Variants in SANBR observed in about 807,000 individuals in gnomAD.
The protein encoded by SANBR is SANT and BTB domain regulator of class switch recombination.
A neutral mutation model predicts 101.8 loss-of-function variants in SANBR; 77 were observed. The observed-to-expected ratio is 0.76, with a 90% CI of 0.63 to 0.91. The LOEUF is 0.91. Ranked by LOEUF, SANBR falls within the 40% of genes least tolerant of loss-of-function variation. SANBR has a pLI of 0.00. For synonymous variants in SANBR, 279 were observed against 274.7 expected (o/e 1.02, Z -0.15); for missense variants, 875 against 853.0 (o/e 1.03, Z -0.32).
chr2:61,086,687 T>C (rs1468431570), intron 8 of SANBR, among the ~76,000 whole-genome samples: 1 of 152,208 alleles, frequency 6.6e-6, no homozygotes, highest in African/African-American at 2.4e-5. Flanking sequence ...TTACTTTGCA[T>C]GACTGCTGAA....
rs747686016 is a variant in SANBR at position 61,071,784 on chromosome 2, C to T, written c.329C>T (p.Ser110Phe). The stretch of plus-strand genomic sequence containing the variant: ...ACTCCAGTTGGACATGATGCAGTTT[C>T]CAAAACTGGTAAGGTTTTAAACTAA... ...QETPVGHDAV[S>F]KTGRHSIAST... is the part of the protein sequence containing the mutation. Residue 110 changes from serine to phenylalanine, a missense_variant, in exon 4 of 22, where the codon TCC becomes TTC. Coordinates refer to ENST00000402291, the MANE Select transcript of SANBR (RefSeq NM_001129993.3). 2.5e-6 allele frequency: 4 copies of T among 1,592,860 alleles called. No individual in the cohort carries two copies. The Admixed American group carries it at 7.3e-5, about 29-fold the overall frequency.
At chr2:61,070,890 C>T (rs1417031993) in intron 3 of SANBR, among the ~76,000 whole-genome samples, 1 of 151,640 alleles carries the variant, frequency 6.6e-6, no homozygotes, top group Non-Finnish European at 1.5e-5. Flanking sequence ...CTTCCCACCT[C>T]AGCATCTCAC....
chr2:61,107,636 G>A (rs1683636672), intron 14 of SANBR, among the ~76,000 whole-genome samples: 1 of 152,138 alleles, frequency 6.6e-6, no homozygotes, highest in African/African-American at 2.4e-5. Flanking sequence ...GGGCATGGTG[G>A]TTCATGCTTG....
chr2:61,117,321 T>C, intron 17 of SANBR, 36 bp from the exon 18 acceptor site: 3 of 1,597,668 alleles, frequency 1.9e-6, no homozygotes, highest in Non-Finnish European at 2.6e-6. Context: ...GTAAACATGT[T>C]CTAATTGGGC....
chr2:61,108,363 T>TA lies in SANBR; in HGVS notation c.1644+15dup. On this transcript the variant is annotated intron_variant, in intron 15 of 21. Coordinates refer to ENST00000402291, the MANE Select transcript of SANBR (RefSeq NM_001129993.3). ...ACTCTACAACTGGTAAGTGAGCAATTACAGTTAGCATTCATGGATCTCTTT... is the reference window on the plus strand; with the variant it reads ...ACTCTACAACTGGTAAGTGAGCAATTAACAGTTAGCATTCATGGATCTCTTT... 2 of 1,526,910 alleles carry TA rather than the reference T, an allele frequency of 1.3e-6. No homozygotes were observed. 94.6% of individuals were successfully genotyped at this position (1,526,910 alleles called of 1,614,324 possible).
chr2:61,087,695 C>G (rs756668175), intron 8 of SANBR, among the ~76,000 whole-genome samples: 1 of 151,764 alleles, frequency 6.6e-6, no homozygotes, highest in African/African-American at 2.4e-5. Flanking sequence ...ACTAAAAATA[C>G]AAAAAATTTG....
At chr2:61,082,241 G>A (rs1374981568) in intron 7 of SANBR, among the ~76,000 whole-genome samples, 1 of 152,148 alleles carries the variant, frequency 6.6e-6, no homozygotes, top group African/African-American at 2.4e-5. Context: ...CAGAAAAAAA[G>A]CAGAGACTAA....
In SANBR at chr2:61,085,601, C is replaced by T. The variant is rs184564934; in HGVS notation, c.890+2287C>T. On this transcript the variant is annotated intron_variant, in intron 8 of 21. Transcript: ENST00000402291. ...TCTCGACTCTCTGCAACCGCCGCCTCCCAGGTTCAAGCAATTCTCCTGCCT... is the reference window on the plus strand; with the variant it reads ...TCTCGACTCTCTGCAACCGCCGCCTTCCAGGTTCAAGCAATTCTCCTGCCT... Among the ~76,000 whole-genome samples the T allele has an allele frequency of 2.0e-5, 3 of 152,096 alleles. No individual in the cohort carries two copies. The East Asian group carries it at 5.8e-4, about 29-fold the overall frequency.
At chr2:61,132,441 G>A (rs769174460) in intron 20 of SANBR, among the ~76,000 whole-genome samples, 22 of 152,148 alleles carry the variant, frequency 1.4e-4, no homozygotes, top group Non-Finnish European at 3.1e-4. Flanking sequence ...GGCCATCAGG[G>A]AAATGCAAAT....
intron 14 of SANBR, among the ~76,000 whole-genome samples, chr2:61,107,161 C>T (rs1683612225): frequency 6.7e-6 from 1 of 149,592 alleles, no homozygotes; most frequent in South Asian, 2.1e-4. Context: ...GAGGGAGACT[C>T]TGTCTCAAAA....
At chr2:61,121,302 G>A in intron 21 of SANBR, 26 bp downstream of exon 21, 2 of 1,504,434 alleles carry the variant, frequency 1.3e-6, no homozygotes, top group East Asian at 2.5e-5. Context: ...CTAAACCAGA[G>A]TGTCAGTGGC....
chr2:61,071,528 C>T (rs532490286), intron 3 of SANBR, 78 bp from the exon 4 acceptor site: 83 of 934,454 alleles, frequency 8.9e-5, no homozygotes, highest in Admixed American at 2.3e-4. Context: ...CCAGCCTGGG[C>T]GACAATGTGA....
intron 10 of SANBR, among the ~76,000 whole-genome samples, chr2:61,091,037 C>T (rs1349320064): frequency 4.0e-5 from 6 of 151,826 alleles, no homozygotes; most frequent in Non-Finnish European, 7.4e-5. Context: ...GACTCAGCCT[C>T]CCGAGTAAGC....
chr2:61,107,189 C>T (rs1448112782), intron 14 of SANBR, among the ~76,000 whole-genome samples: 1 of 151,392 alleles, frequency 6.6e-6, no homozygotes, highest in East Asian at 1.9e-4. Context: ...AAGAAAAACC[C>T]AAAACATAAC....
intron 17 of SANBR, among the ~76,000 whole-genome samples, chr2:61,116,475 A>T (rs1226950625): frequency 1.3e-5 from 2 of 152,172 alleles, no homozygotes; most frequent in Non-Finnish European, 2.9e-5. Context: ...AATATTATTT[A>T]TTCAAAAAAT....
rs1029238028 is a variant in SANBR, at chr2:61,134,318, G to C, written c.*44+42G>C. Reference sequence around the variant, plus strand: ...GTTAGCTATTATTAGTAGACCACATGAAAGACTTTTAGAAATAACTGTATT... The same window carrying C: ...GTTAGCTATTATTAGTAGACCACATCAAAGACTTTTAGAAATAACTGTATT... On this transcript the variant is annotated intron_variant, in intron 21 of 21. Transcript: ENST00000295031. 9 of 1,511,088 alleles carry C rather than the reference G, an allele frequency of 6.0e-6. No individual in the cohort carries two copies. In the East Asian group the frequency reaches 2.2e-4, roughly 37 times the overall value. The allele number at this position is 1,511,088 out of a possible 1,614,324, so 93.6% of individuals were successfully genotyped here.
chr2:61,096,891 C>T (rs1294023477), intron 11 of SANBR, among the ~76,000 whole-genome samples: 7 of 152,160 alleles, frequency 4.6e-5, no homozygotes, highest in African/African-American at 1.7e-4. Context: ...TGGTGGCTCA[C>T]GCCTGTAATC....
At chr2:61,080,320 G>C (rs1682041609) in intron 6 of SANBR, among the ~76,000 whole-genome samples, 1 of 151,768 alleles carries the variant, frequency 6.6e-6, no homozygotes, top group Non-Finnish European at 1.5e-5. Context: ...CTACCAAAAT[G>C]CTTAATTAAA....
intron 16 of SANBR, among the ~76,000 whole-genome samples, chr2:61,110,561 C>A (rs759680735): frequency 6.6e-6 from 1 of 152,204 alleles, no homozygotes; most frequent in Non-Finnish European, 1.5e-5. Flanking sequence ...TTCCTGTAAT[C>A]CCAGCTATTT....
Sources: allele counts gnomAD v4.1 joint callset (sites outside exome capture counted in the v4.1 genomes callset), GRCh38; gene constraint gnomAD v4.1.1; transcripts MANE v1.5; gene names NCBI Gene and HGNC (gene_info 2026-07-23, HGNC 2026-07-21).